The following ARMC9 variants were observed in gnomAD, a reference collection of about 807,000 sequenced individuals.
ARMC9 encodes lisH domain-containing protein ARMC9.
Under a neutral mutation model 107.0 loss-of-function variants are expected in ARMC9, and 94 were observed. The ratio of observed to expected loss-of-function variants is 0.88; its 90% CI spans 0.74 to 1.04. The LOEUF (loss-of-function observed/expected upper bound fraction) is 1.04, where lower values mean the gene tolerates loss of function less well. Ranked by LOEUF, ARMC9 falls within the 50% of genes least tolerant of loss-of-function variation. ARMC9 has a pLI of 0.00. For missense variants in ARMC9, 942 were observed against 1,030.1 expected, an observed-to-expected ratio of 0.91 and a Z score of 1.17; for synonymous variants, 380 against 396.9, an observed-to-expected ratio of 0.96 and a Z score of 0.51.
chr2:231,211,085 C>T (rs372487328), intron 3 of ARMC9, among the ~76,000 whole-genome samples: 2 of 152,094 alleles, frequency 1.3e-5, no homozygotes, highest in African/African-American at 4.8e-5. Context: ...GACAAGATTT[C>T]CTTTCCTTTT....
At chr2:231,278,925 C>T (rs2039985371) in intron 16 of ARMC9, among the ~76,000 whole-genome samples, 1 of 152,238 alleles carries the variant, frequency 6.6e-6, no homozygotes, top group Non-Finnish European at 1.5e-5. Flanking sequence ...TGTTGCTTTA[C>T]ATATGTCTAG....
chr2:231,340,780 CG>C (rs1559486318), intron 20 of ARMC9, among the ~76,000 whole-genome samples: 1 of 151,990 alleles, frequency 6.6e-6, no homozygotes, highest in Non-Finnish European at 1.5e-5. Context: ...CCCAGCTACT[CG>C]GGAAGCTGAG....
At position 231,224,217 on chromosome 2, in the gene ARMC9, C is replaced by T. The variant is rs1574658134; in HGVS notation, c.597+1397C>T. 2.0e-5 allele frequency among the ~76,000 whole-genome samples: 3 copies of T among 152,312 alleles called. 1 individual carries two copies. ...ATCCCAGCACTTTGGGAGGCTAAGG[C>T]GGGAGGATCACTTGAGCCCAGGAGT... On this transcript the variant is annotated intron_variant, in intron 6 of 24. Transcript: ENST00000611582.
intron 7 of ARMC9, among the ~76,000 whole-genome samples, chr2:231,233,536 G>C (rs934746242): frequency 1.4e-4 from 22 of 152,112 alleles, no homozygotes; most frequent in East Asian, 3.9e-4. Context: ...CAGCACTTTG[G>C]GGGGCCGAGG....
At position 231,337,270 on chromosome 2, in the gene ARMC9, G is replaced by GTATA. The variant is rs770448501; in HGVS notation, c.1878+5391_1878+5394dup. On this transcript the variant is annotated intron_variant, in intron 20 of 24. Transcript: ENST00000611582. ...TGACTCAATGTCTATACGTGTGTGT[G>GTATA]TATATATATATATATATATATTTTT... is the stretch of plus-strand genomic sequence containing the variant. Among the ~76,000 whole-genome samples the GTATA allele has an allele frequency of 1.8e-3, 137 of 76,392 alleles. 1 individual carries two copies. Among genetic ancestry groups the GTATA allele is most frequent in the Admixed American group, 6.4e-3 (33 of 5,124 alleles). The allele number at this position is 76,392 out of a possible 152,430, so 50.1% of individuals were successfully genotyped here. A position where few individuals can be genotyped will look rare whatever the true frequency, so the allele number is the denominator to read the frequency against.
intron 19 of ARMC9, among the ~76,000 whole-genome samples, chr2:231,308,881 C>G (rs1024403573): frequency 2.5e-4 from 38 of 152,342 alleles, no homozygotes; most frequent in African/African-American, 8.4e-4. Flanking sequence ...ATGAATCAGT[C>G]ACCTCTGATG....
intron 12 of ARMC9, among the ~76,000 whole-genome samples, chr2:231,262,666 C>T (rs989085261): frequency 1.3e-5 from 2 of 152,164 alleles, no homozygotes; most frequent in African/African-American, 4.8e-5. Flanking sequence ...CCTCACCTCA[C>T]TGCTTACCAT....
At chr2:231,267,295 A>T (rs2038938823) in intron 12 of ARMC9, among the ~76,000 whole-genome samples, 1 of 151,984 alleles carries the variant, frequency 6.6e-6, no homozygotes, top group Non-Finnish European at 1.5e-5. Context: ...CAGTGGCGTG[A>T]TCTCGGCTCA....
At chr2:231,290,752 A>G (rs919073289) in intron 17 of ARMC9, among the ~76,000 whole-genome samples, 2 of 152,214 alleles carry the variant, frequency 1.3e-5, no homozygotes, top group Admixed American at 1.3e-4. Context: ...ATAGAAAAGG[A>G]ATGAAATCTG....
At chr2:231,351,233 G>A (rs2045065142) in intron 21 of ARMC9, among the ~76,000 whole-genome samples, 1 of 150,820 alleles carries the variant, frequency 6.6e-6, no homozygotes, top group Non-Finnish European at 1.5e-5. Flanking sequence ...GATTACAGGT[G>A]TGAGCCACTG....
In ARMC9 at chr2:231,362,151, G is replaced by A. The variant is rs1458392695; in HGVS notation, c.2261+1268G>A. The stretch of plus-strand genomic sequence containing the variant: ...CTGCCAACCTGCCTGGGGACCCAGG[G>A]ACCTACCTCCCCTACCTGGGCCTCC... On this transcript the variant is annotated intron_variant, in intron 23 of 24. Transcript: ENST00000611582. This position sits in a 1 kb window ranked among gnomAD's most constrained non-coding sequence, Gnocchi z 4.7. Among the ~76,000 whole-genome samples, 7 of 152,116 alleles carry A rather than the reference G, an allele frequency of 4.6e-5. No homozygotes were observed. Among genetic ancestry groups the A allele is most frequent in the African/African-American group, 1.7e-4 (7 of 41,412 alleles).
At chr2:231,242,939 C>T (rs1467064332) in intron 9 of ARMC9, among the ~76,000 whole-genome samples, 3 of 151,846 alleles carry the variant, frequency 2.0e-5, no homozygotes, top group Admixed American at 2.0e-4. Context: ...GGTGAAAACC[C>T]ATCTCCACAA....
chr2:231,301,619 C>A lies in ARMC9; in HGVS notation c.1773+5366C>A, dbSNP rs1444684741. ...TTCCAAACCCTTTTCACCATCATTA[C>A]AAATGTTTTAAAGATATATTTTTTC... On this transcript the variant is annotated intron_variant, in intron 19 of 24. Coordinates refer to ENST00000611582, the MANE Select transcript of ARMC9 (RefSeq NM_001352754.2). Among the ~76,000 whole-genome samples the A allele has an allele frequency of 4.6e-5, 7 of 152,150 alleles. No individual in the cohort carries two copies. The South Asian group carries it at 1.2e-3, about 27-fold the overall frequency.
chr2:231,256,718 G>T (rs994755209), intron 10 of ARMC9, 98 bp downstream of exon 10: 1 of 1,306,500 alleles, frequency 7.7e-7, no homozygotes, highest in African/African-American at 1.5e-5. Context: ...GCCTAGGTTA[G>T]AGGAATGCCT....
At chr2:231,216,507 C>T (rs1225529272) in intron 4 of ARMC9, 131 bp from the exon 5 acceptor site, 4 of 1,008,238 alleles carry the variant, frequency 4.0e-6, no homozygotes, top group Non-Finnish European at 5.9e-6. Flanking sequence ...AGAGACAATG[C>T]ACCTGCCAGG....
chr2:231,207,251 TC>T (rs1172130469), intron 2 of ARMC9, among the ~76,000 whole-genome samples: 14 of 152,140 alleles, frequency 9.2e-5, no homozygotes, highest in Non-Finnish European at 2.1e-4. Context: ...CAAGCAATCC[TC>T]CTGCCTCAGC....
At chr2:231,356,081 G>A (rs766492618) in intron 22 of ARMC9, 147 bp downstream of exon 22, 1 of 1,128,156 alleles carries the variant, frequency 8.9e-7, no homozygotes, top group Admixed American at 2.9e-5. Flanking sequence ...AGGCTCACGG[G>A]ATTCCCAGCC....
intron 19 of ARMC9, among the ~76,000 whole-genome samples, chr2:231,330,206 C>T (rs1233988020): frequency 6.7e-6 from 1 of 148,664 alleles, no homozygotes; most frequent in Non-Finnish European, 1.5e-5. Context: ...ATTGTCTTAG[C>T]GTGTTCAATT....
chr2:231,228,575 C>A lies in ARMC9; in HGVS notation c.622+1777C>A, dbSNP rs115503249. ...GCTGTATCACTTTTTCTAACCTAGC[C>A]TCTGAAGTCAGTCAGTCATTTCTGC... On this transcript the variant is annotated intron_variant, in intron 7 of 24. Transcript: ENST00000611582. Among the ~76,000 whole-genome samples, 812 of 152,354 alleles carry A rather than the reference C, an allele frequency of 5.3e-3. 2 individuals carry two copies. Among genetic ancestry groups the A allele is most frequent in the Non-Finnish European group, 7.9e-3 (535 of 68,034 alleles).
Sources: allele counts gnomAD v4.1 joint callset (sites outside exome capture counted in the v4.1 genomes callset), GRCh38; gene constraint gnomAD v4.1.1; non-coding constraint Gnocchi (gnomAD v3.1); transcripts MANE v1.5; gene names NCBI Gene and HGNC (gene_info 2026-07-23, HGNC 2026-07-21).